The following B3GLCT variants were observed in gnomAD, a reference collection of about 807,000 sequenced individuals.
B3GLCT encodes the protein beta-1,3-glucosyltransferase.
Under a neutral mutation model 63.4 loss-of-function variants are expected in B3GLCT, and 65 were observed. The observed-to-expected ratio is 1.03, with a 90% CI of 0.84 to 1.26. The LOEUF (loss-of-function observed/expected upper bound fraction) is 1.26, where lower values mean the gene tolerates loss of function less well. Among genes scored for constraint, B3GLCT ranks in the 50% most tolerant of loss-of-function variants. The probability of loss-of-function intolerance (pLI) is 0.00; values close to 1 mark genes in which losing one functional copy is unlikely to be tolerated. For missense variants in B3GLCT, 577 were observed against 604.8 expected, an observed-to-expected ratio of 0.95 and a Z score of 0.48; for synonymous variants, 233 against 219.2, an observed-to-expected ratio of 1.06 and a Z score of -0.55.
intron 12 of B3GLCT, among the ~76,000 whole-genome samples, chr13:31,295,478 C>T (rs1873888870): frequency 1.3e-5 from 2 of 152,216 alleles, no homozygotes; most frequent in Non-Finnish European, 2.9e-5. Flanking sequence ...AAGCCCCTGA[C>T]TGGGCATCTG....
At chr13:31,321,925 T>G (rs994013392) in intron 13 of B3GLCT, among the ~76,000 whole-genome samples, 1 of 152,148 alleles carries the variant, frequency 6.6e-6, no homozygotes, top group Non-Finnish European at 1.5e-5. Flanking sequence ...TTTCTGATAT[T>G]TTGGTGCACC....
intron 7 of B3GLCT, among the ~76,000 whole-genome samples, chr13:31,266,216 C>G (rs139096283): frequency 6.6e-6 from 1 of 151,852 alleles, no homozygotes; most frequent in Non-Finnish European, 1.5e-5. Flanking sequence ...GCCAGGATGG[C>G]CTCGATCTCC....
intron 13 of B3GLCT, among the ~76,000 whole-genome samples, chr13:31,317,970 T>G (rs2137936665): frequency 7.1e-6 from 1 of 141,418 alleles, no homozygotes. Flanking sequence ...GATTGTCTAT[T>G]TAAATGGAAA....
At chr13:31,270,504 A>G (rs1172773615) in intron 8 of B3GLCT, among the ~76,000 whole-genome samples, 1 of 152,240 alleles carries the variant, frequency 6.6e-6, no homozygotes, top group Non-Finnish European at 1.5e-5. Flanking sequence ...TTGGAAATCT[A>G]CTAAACATTG....
Position 31,215,045 on chromosome 13 carries a change from TTC to T in B3GLCT, c.71-5_71-4del, listed in dbSNP as rs751422116. On this transcript the variant is annotated splice_region_variant and splice_polypyrimidine_tract_variant and intron_variant, in intron 1 of 14. Transcript: ENST00000343307. Reference sequence around the variant, plus strand: ...GTAGAAATATTTCTTTTTTTTTTTTTTCCAGCTTTTGGTTTGGCTTCTGAAGA... The same window carrying T: ...GTAGAAATATTTCTTTTTTTTTTTTTCAGCTTTTGGTTTGGCTTCTGAAGA... 1.6e-5 allele frequency: 25 copies of T among 1,604,630 alleles called. No homozygotes were observed. In the South Asian group the frequency reaches 2.4e-4, roughly 16 times the overall value.
intron 4 of B3GLCT, among the ~76,000 whole-genome samples, chr13:31,243,011 G>T (rs919365467): frequency 1.8e-4 from 27 of 152,166 alleles, no homozygotes; most frequent in Non-Finnish European, 3.5e-4. Context: ...ACAGATCTCT[G>T]TTATCCTCAT....
At chr13:31,251,824 C>G (rs541527703) in intron 6 of B3GLCT, among the ~76,000 whole-genome samples, 1 of 152,112 alleles carries the variant, frequency 6.6e-6, no homozygotes, top group Non-Finnish European at 1.5e-5. Flanking sequence ...ACTTCCCCAA[C>G]GTAGCAAAGC....
intron 4 of B3GLCT, among the ~76,000 whole-genome samples, chr13:31,234,720 T>G (rs1304837711): frequency 6.6e-6 from 1 of 152,128 alleles, no homozygotes; most frequent in Non-Finnish European, 1.5e-5. Flanking sequence ...GGGGCTTCTC[T>G]GAGGGCCCTC....
At chr13:31,262,132 C>T (rs1872063537) in intron 7 of B3GLCT, among the ~76,000 whole-genome samples, 1 of 152,154 alleles carries the variant, frequency 6.6e-6, no homozygotes, top group South Asian at 2.1e-4. Flanking sequence ...TTGACAGCGG[C>T]TTCCTGATGA....
intron 4 of B3GLCT, among the ~76,000 whole-genome samples, chr13:31,246,332 A>G (rs529931980): frequency 2.6e-4 from 39 of 152,362 alleles, no homozygotes; most frequent in Non-Finnish European, 5.3e-4. Flanking sequence ...CCTTAAAAAT[A>G]TTAATCTCTC....
At chr13:31,319,511 G>C (rs760900741) in intron 13 of B3GLCT, among the ~76,000 whole-genome samples, 1 of 152,182 alleles carries the variant, frequency 6.6e-6, no homozygotes, top group Non-Finnish European at 1.5e-5. Context: ...ACCAGTGACT[G>C]TTGACCTGAA....
At chr13:31,284,970 A>G (rs543628706) in intron 11 of B3GLCT, among the ~76,000 whole-genome samples, 1 of 152,286 alleles carries the variant, frequency 6.6e-6, no homozygotes, top group South Asian at 2.1e-4. Context: ...CTTATATCCT[A>G]TAATTGAGCA....
intron 10 of B3GLCT, among the ~76,000 whole-genome samples, chr13:31,279,021 A>G (rs1872929462): frequency 6.6e-6 from 1 of 152,144 alleles, no homozygotes; most frequent in South Asian, 2.1e-4. Context: ...GCACAGCTAT[A>G]CTGTAATCTC....
At chr13:31,238,656 G>T (rs1406327445) in intron 4 of B3GLCT, among the ~76,000 whole-genome samples, 2 of 152,198 alleles carry the variant, frequency 1.3e-5, no homozygotes, top group East Asian at 3.9e-4. Flanking sequence ...GTGTTTTAAA[G>T]AATCCACTCA....
chr13:31,202,515 C>A lies in B3GLCT; in HGVS notation c.70+2361C>A, dbSNP rs888428063. Among the ~76,000 whole-genome samples the A allele has an allele frequency of 2.6e-5, 4 of 152,266 alleles. No individual in the cohort carries two copies. In the South Asian group the frequency reaches 6.2e-4, roughly 24 times the overall value. On this transcript the variant is annotated intron_variant, in intron 1 of 14. Coordinates refer to ENST00000343307, the MANE Select transcript of B3GLCT (RefSeq NM_194318.4). ...GATTGACAGCCACCTGCGAAGTAACCCTTTAGCCCTTGTTTTCCTAACAAA... is the reference window on the plus strand; with the variant it reads ...GATTGACAGCCACCTGCGAAGTAACACTTTAGCCCTTGTTTTCCTAACAAA...
intron 1 of B3GLCT, among the ~76,000 whole-genome samples, chr13:31,205,400 T>C (rs1038928553): frequency 3.3e-5 from 5 of 151,846 alleles, no homozygotes; most frequent in African/African-American, 1.2e-4. Context: ...CTACTAAAAA[T>C]ACAAAAAAAT....
rs1555243819 is a variant in B3GLCT, at chr13:31,208,626, C to CT, written c.71-6425_71-6424insT. Among the ~76,000 whole-genome samples, 202 of 101,052 alleles carry CT rather than the reference C, an allele frequency of 2.0e-3. 3 individuals carry two copies. The highest frequency in any genetic ancestry group is 0.012 in the East Asian group (12 of 982). The allele number at this position is 101,052 out of a possible 152,430, so 66.3% of individuals were successfully genotyped here. A position where few individuals can be genotyped will look rare whatever the true frequency, so the allele number is the denominator to read the frequency against. On this transcript the variant is annotated intron_variant, in intron 1 of 14. Transcript: ENST00000343307. The stretch of plus-strand genomic sequence containing the variant: ...GCTTCTGCTTCTTTAGTGGCCCCCC[C>CT]CCCCCGCTCACTGCCACCTTCATTG...
At chr13:31,316,039 C>T (rs182057940) in intron 12 of B3GLCT, among the ~76,000 whole-genome samples, 19 of 152,274 alleles carry the variant, frequency 1.2e-4, no homozygotes, top group Admixed American at 7.2e-4. Context: ...AGAGAATGTA[C>T]GGAAATACCT....
chr13:31,228,385 T>C (rs1870207724), intron 3 of B3GLCT, among the ~76,000 whole-genome samples: 1 of 152,220 alleles, frequency 6.6e-6, no homozygotes, highest in African/African-American at 2.4e-5. Flanking sequence ...AGTGTAGTAG[T>C]GAGCTAGGAC....
Sources: gnomAD v4.1 joint callset for allele counts (sites outside exome capture counted in the v4.1 genomes callset) on GRCh38, gnomAD v4.1.1 for gene constraint, MANE v1.5 for transcripts, NCBI Gene and HGNC (gene_info 2026-07-23, HGNC 2026-07-21) for gene names.